The following ITPR2 variants were observed in gnomAD, a reference collection of about 807,000 sequenced individuals.
ITPR2 encodes the protein inositol 1,4,5-trisphosphate-gated calcium channel ITPR2.
In ITPR2, 207 loss-of-function variants were observed where a neutral mutation model predicts 317.1. The observed-to-expected ratio is 0.65, with a 90% confidence interval of 0.58 to 0.73. The LOEUF is 0.73. Ranked by LOEUF, ITPR2 falls within the 30% of genes least tolerant of loss-of-function variation. The pLI, the probability that ITPR2 is intolerant of heterozygous loss-of-function variation, is 0.00. For missense variants in ITPR2, 2,613 were observed against 3,284.0 expected, an observed-to-expected ratio of 0.80 and a Z score of 4.99; for synonymous variants, 1,156 against 1,149.1, an observed-to-expected ratio of 1.01 and a Z score of -0.12.
Position 26,339,414 on chromosome 12 carries a change from G to A in ITPR2, c.8089C>T (p.His2697Tyr), listed in dbSNP as rs762310588. The A allele has an allele frequency of 1.2e-6, 2 of 1,613,658 alleles. No individual in the cohort carries two copies. The highest frequency in any genetic ancestry group is 2.2e-5 in the South Asian group (2 of 91,040). Reference protein sequence around the residue: ...LGSNTPHVNHHMPPH With the variant: ...LGSNTPHVNHYMPPH ...CCATGGTATCAGTGTGGTGGCATGT[G>A]ATGATTCACATGGGGTGTGTTTGAT... Residue 2697 changes from histidine to tyrosine, a missense_variant, in exon 57 of 57, where the codon CAC becomes TAC. This residue lies in a region of ITPR2 where 119 missense variants were observed against 144.3 expected (regional missense o/e 0.82). Transcript: ENST00000381340.
intron 1 of ITPR2, among the ~76,000 whole-genome samples, chr12:26,791,433 A>G (rs1405734043): frequency 2.6e-5 from 4 of 152,126 alleles, no homozygotes; most frequent in African/African-American, 9.7e-5. Context: ...CATCAACTCC[A>G]GCACAGGAGT....
chr12:26,425,655 G>C (rs1336257776), intron 49 of ITPR2, among the ~76,000 whole-genome samples: 1 of 142,882 alleles, frequency 7.0e-6, no homozygotes, highest in Non-Finnish European at 1.5e-5. Flanking sequence ...GACAGAGTGA[G>C]ACCCTGTCTA....
In ITPR2 at chr12:26,339,340, A is replaced by T; in HGVS notation, c.*57T>A. On this transcript the variant is annotated 3_prime_UTR_variant, in exon 57 of 57. Transcript: ENST00000381340. ...TCACTCCCCTCCATCTCAGTTCTTTATTCAGTGATCAGGCAGGACACTGAT... is the reference window on the plus strand; with the variant it reads ...TCACTCCCCTCCATCTCAGTTCTTTTTTCAGTGATCAGGCAGGACACTGAT... The T allele has an allele frequency of 7.0e-7, 1 of 1,428,966 alleles. No homozygotes were observed. The allele number at this position is 1,428,966 out of a possible 1,614,324, so 88.5% of individuals were successfully genotyped here.
chr12:26,670,781 C>T (rs1018153421), intron 13 of ITPR2, among the ~76,000 whole-genome samples: 1 of 152,042 alleles, frequency 6.6e-6, no homozygotes, highest in East Asian at 1.9e-4. Context: ...AAACCAAAGG[C>T]AAAGAAGTTA....
At chr12:26,668,228 G>A (rs1384987131) in intron 13 of ITPR2, among the ~76,000 whole-genome samples, 1 of 152,162 alleles carries the variant, frequency 6.6e-6, no homozygotes, top group Non-Finnish European at 1.5e-5. Flanking sequence ...AGGTAAGAGG[G>A]ACCAAAAACA....
At position 26,772,486 on chromosome 12, in the gene ITPR2, TAA is replaced by T. The variant is rs1949877196; in HGVS notation, c.163+17669_163+17670del. Among the ~76,000 whole-genome samples, 2 of 72,164 alleles carry T rather than the reference TAA, an allele frequency of 2.8e-5. 1 individual carries two copies. The highest frequency in any genetic ancestry group is 8.5e-5 in the Non-Finnish European group (2 of 23,482). The allele number at this position is 72,164 out of a possible 152,430, so 47.3% of individuals were successfully genotyped here. ...ATACATGTATTATATATAATATATA[TAA>T]TACATATAATACATGTATTATATAT... On this transcript the variant is annotated intron_variant, in intron 2 of 56. Coordinates refer to ENST00000381340, the MANE Select transcript of ITPR2 (RefSeq NM_002223.4).
intron 55 of ITPR2, among the ~76,000 whole-genome samples, chr12:26,371,775 C>T (rs1254486012): frequency 6.6e-6 from 1 of 152,176 alleles, no homozygotes; most frequent in African/African-American, 2.4e-5. Context: ...CTTCTTTCCA[C>T]CACACCCATC....
chr12:26,610,401 A>G (rs1946235554), intron 26 of ITPR2, among the ~76,000 whole-genome samples: 1 of 152,236 alleles, frequency 6.6e-6, no homozygotes, highest in African/African-American at 2.4e-5. Context: ...CGGCAGGCAA[A>G]GAATGGAATA....
intron 26 of ITPR2, among the ~76,000 whole-genome samples, chr12:26,610,813 A>G (rs1043410061): frequency 6.6e-6 from 1 of 152,162 alleles, no homozygotes; most frequent in South Asian, 2.1e-4. Flanking sequence ...GTGCCATGCA[A>G]TAGTGTTCAG....
chr12:26,560,954 G>A (rs1944800858), intron 35 of ITPR2, among the ~76,000 whole-genome samples: 1 of 151,936 alleles, frequency 6.6e-6, no homozygotes, highest in African/African-American at 2.4e-5. Context: ...GTCTATTATG[G>A]GCTGAATTAG....
intron 9 of ITPR2, among the ~76,000 whole-genome samples, chr12:26,697,295 T>A (rs1042569432): frequency 6.6e-6 from 1 of 152,058 alleles, no homozygotes; most frequent in Non-Finnish European, 1.5e-5. Flanking sequence ...CATCTGAGGA[T>A]AACAAGGAAA....
At chr12:26,374,617 C>T (rs973780338) in intron 55 of ITPR2, among the ~76,000 whole-genome samples, 4 of 152,178 alleles carry the variant, frequency 2.6e-5, no homozygotes, top group Admixed American at 2.6e-4. Context: ...ATTTGTTGAA[C>T]AGTAACTGTG....
At chr12:26,730,273 A>G (rs933397694) in intron 2 of ITPR2, among the ~76,000 whole-genome samples, 7 of 152,182 alleles carry the variant, frequency 4.6e-5, no homozygotes, top group African/African-American at 1.7e-4. Flanking sequence ...TGACAAGCCT[A>G]CTTTTTTTCA....
At chr12:26,340,626 G>C (rs540095951) in intron 55 of ITPR2, among the ~76,000 whole-genome samples, 1 of 152,312 alleles carries the variant, frequency 6.6e-6, no homozygotes, top group South Asian at 2.1e-4. Context: ...TGATGAGGTG[G>C]GGTCTGGAGG....
intron 54 of ITPR2, among the ~76,000 whole-genome samples, chr12:26,387,962 A>C (rs1023056036): frequency 2.0e-5 from 3 of 151,814 alleles, no homozygotes; most frequent in Non-Finnish European, 4.4e-5. Context: ...TATGCTTGCT[A>C]ATCAGGACAG....
At chr12:26,587,905 G>C (rs1244397059) in intron 32 of ITPR2, among the ~76,000 whole-genome samples, 2 of 152,204 alleles carry the variant, frequency 1.3e-5, no homozygotes, top group South Asian at 4.1e-4. Context: ...GTTGTGATGG[G>C]AGTGTTCAGG....
chr12:26,819,071 T>A (rs1251598795), intron 1 of ITPR2, among the ~76,000 whole-genome samples: 1 of 152,246 alleles, frequency 6.6e-6, no homozygotes, highest in Non-Finnish European at 1.5e-5. Context: ...TTTTTAAATA[T>A]CTAGCAAAGA....
Position 26,598,674 on chromosome 12 carries a change from T to TAA in ITPR2, c.4002+469_4002+470dup, listed in dbSNP as rs143168125. Among the ~76,000 whole-genome samples the TAA allele has an allele frequency of 7.3e-3, 1,114 of 152,104 alleles. 22 individuals carry two copies. The highest frequency in any genetic ancestry group is 0.026 in the African/African-American group (1,060 of 41,498). On this transcript the variant is annotated intron_variant, in intron 30 of 56. Coordinates refer to ENST00000381340, the MANE Select transcript of ITPR2 (RefSeq NM_002223.4). ...CTAAGTAGTAAGTTTCCACATGTTG[T>TAA]AAAAAAAATCACTGTTAGGTAGTTT...
chr12:26,566,171 GGGGAGA>G (rs1944977706), intron 34 of ITPR2, among the ~76,000 whole-genome samples: 1 of 133,870 alleles, frequency 7.5e-6, no homozygotes, highest in South Asian at 2.8e-4. Context: ...AAAGAGGAGA[GGGGAGA>G]GGAGAGGGAG....
Sources: allele counts gnomAD v4.1 joint callset (sites outside exome capture counted in the v4.1 genomes callset), GRCh38; gene constraint gnomAD v4.1.1; regional missense constraint gnomAD v4.1.1; transcripts MANE v1.5; gene names NCBI Gene and HGNC (gene_info 2026-07-23, HGNC 2026-07-21).